TMOD3: variants seen among roughly 807,000 people sequenced by gnomAD.
TMOD3 encodes tropomodulin 3.
A neutral mutation model predicts 39.2 loss-of-function variants in TMOD3; 20 were observed. The ratio of observed to expected loss-of-function variants is 0.51; its 90% CI spans 0.36 to 0.74. The LOEUF is 0.74. Ranked by LOEUF, TMOD3 falls within the 30% of genes least tolerant of loss-of-function variation. The probability of loss-of-function intolerance (pLI) is 0.00; values close to 1 mark genes in which losing one functional copy is unlikely to be tolerated. For missense variants in TMOD3, 381 were observed against 412.8 expected, an observed-to-expected ratio of 0.92 and a Z score of 0.67; for synonymous variants, 143 against 145.8, an observed-to-expected ratio of 0.98 and a Z score of 0.14.
chr15:51,867,035 A>G (rs938096214), intron 2 of TMOD3, among the ~76,000 whole-genome samples: 3 of 152,312 alleles, frequency 2.0e-5, no homozygotes, highest in Admixed American at 6.5e-5. Context: ...GGGAGACCAC[A>G]CACATAGAGG....
Position 51,876,908 on chromosome 15 carries a change from A to G in TMOD3, c.283+7535A>G, listed in dbSNP as rs79820732. Among the ~76,000 whole-genome samples, 753 of 152,238 alleles carry G rather than the reference A, an allele frequency of 4.9e-3. 6 individuals carry two copies. Among genetic ancestry groups the G allele is most frequent in the African/African-American group, 0.018 (727 of 41,534 alleles). On this transcript the variant is annotated intron_variant, in intron 3 of 9. Coordinates refer to ENST00000308580, the MANE Select transcript of TMOD3 (RefSeq NM_014547.5). ...AGACCGTGCCTCTACTAAAAATGAA[A>G]AAAAGTTAGCTGGATGCGGTGGTGT...
chr15:51,840,598 CTTT>C (rs555446293), intron 1 of TMOD3, among the ~76,000 whole-genome samples: 1 of 152,222 alleles, frequency 6.6e-6, no homozygotes, highest in East Asian at 1.9e-4. Flanking sequence ...AAGTTGAAAT[CTTT>C]TTTGTAAGTT....
rs2056697833 is a variant in TMOD3 at position 51,909,207 on chromosome 15, TTTC to T, written c.*401_*403del. 1.9e-5 allele frequency: 3 copies of T among 158,310 alleles called. No homozygotes were observed. The highest frequency in any genetic ancestry group is 4.0e-4 in the South Asian group (2 of 4,984). 9.8% of individuals were successfully genotyped at this position (158,310 alleles called of 1,614,324 possible). ...ATTTAGACATAAAACACTTAAGTGTTTTCTTCACTCCGTGACCTGGAGAGTTTT... is the reference window on the plus strand; with the variant it reads ...ATTTAGACATAAAACACTTAAGTGTTTTCACTCCGTGACCTGGAGAGTTTT... On this transcript the variant is annotated 3_prime_UTR_variant, in exon 10 of 10. Coordinates refer to ENST00000308580, the MANE Select transcript of TMOD3 (RefSeq NM_014547.5).
intron 1 of TMOD3, among the ~76,000 whole-genome samples, chr15:51,858,829 C>T (rs2056401420): frequency 6.6e-6 from 1 of 152,096 alleles, no homozygotes; most frequent in South Asian, 2.1e-4. Context: ...GTAGGTCTGG[C>T]CTCAGCATCT....
chr15:51,903,734 G>A (rs1262472654), intron 9 of TMOD3, among the ~76,000 whole-genome samples: 2 of 152,240 alleles, frequency 1.3e-5, no homozygotes, highest in Admixed American at 6.5e-5. Context: ...TTAGAGTAGC[G>A]TTTTAAGAGA....
chr15:51,846,370 G>A (rs560051831), intron 1 of TMOD3, among the ~76,000 whole-genome samples: 1 of 152,148 alleles, frequency 6.6e-6, no homozygotes, highest in East Asian at 1.9e-4. Flanking sequence ...TTGAAGCCCA[G>A]GAAATTTGGA....
rs68117829 is a variant in TMOD3 at position 51,879,856 on chromosome 15, TCA to T, written c.284-7701_284-7700del. Among the ~76,000 whole-genome samples the T allele has an allele frequency of 2.5e-3, 353 of 142,646 alleles. 1 individual carries two copies. The highest frequency in any genetic ancestry group is 3.7e-3 in the African/African-American group (141 of 38,308). 93.6% of individuals were successfully genotyped at this position (142,646 alleles called of 152,430 possible). A position where few individuals can be genotyped will look rare whatever the true frequency, so the allele number is the denominator to read the frequency against. On this transcript the variant is annotated intron_variant, in intron 3 of 9. Transcript: ENST00000308580. ...CAATCTCTTTCTCTCTCTCTGTCTT[TCA>T]CACACACACACACACACACACACAC...
intron 3 of TMOD3, among the ~76,000 whole-genome samples, chr15:51,872,874 C>A (rs746647938): frequency 3.9e-5 from 6 of 152,154 alleles, no homozygotes; most frequent in Non-Finnish European, 7.4e-5. Context: ...CGGTCCAGAA[C>A]AACCATGGGA....
intron 3 of TMOD3, among the ~76,000 whole-genome samples, chr15:51,880,070 TTTAAA>T (rs1478997676): frequency 5.3e-5 from 8 of 152,182 alleles, no homozygotes; most frequent in Non-Finnish European, 1.2e-4. Context: ...ATAAGACTAA[TTTAAA>T]TTAATACATG....
intron 3 of TMOD3, among the ~76,000 whole-genome samples, chr15:51,881,876 C>A (rs1367215671): frequency 6.6e-6 from 1 of 151,698 alleles, no homozygotes; most frequent in Admixed American, 6.6e-5. Context: ...TTAGCCCGTA[C>A]ATTTAGGGTT....
rs1359808683 is a variant in TMOD3, at chr15:51,890,191, C to T, written c.496+1046C>T. 8.7e-5 allele frequency among the ~76,000 whole-genome samples: 12 copies of T among 137,992 alleles called. No homozygotes were observed. The East Asian group carries it at 1.0e-3, about 12-fold the overall frequency. 90.5% of individuals were successfully genotyped at this position (137,992 alleles called of 152,430 possible). On this transcript the variant is annotated intron_variant, in intron 5 of 9. Transcript: ENST00000308580. ...CTAATTTTTTTTTTTTTTTTGGAAACGGAGTCTTGCTCTGTCACCCAGGCT... is the reference window on the plus strand; with the variant it reads ...CTAATTTTTTTTTTTTTTTTGGAAATGGAGTCTTGCTCTGTCACCCAGGCT...
At chr15:51,891,433 A>G (rs943509930) in intron 5 of TMOD3, among the ~76,000 whole-genome samples, 1 of 152,104 alleles carries the variant, frequency 6.6e-6, no homozygotes, top group Non-Finnish European at 1.5e-5. Context: ...CCCTTTTGGC[A>G]AGAATGCTTC....
intron 1 of TMOD3, among the ~76,000 whole-genome samples, chr15:51,841,329 T>C (rs2056311708): frequency 6.6e-6 from 1 of 152,256 alleles, no homozygotes; most frequent in Non-Finnish European, 1.5e-5. Context: ...ATTCTATCAC[T>C]AAAGGTAATA....
chr15:51,841,845 C>T, intron 1 of TMOD3, among the ~76,000 whole-genome samples: 1 of 152,198 alleles, frequency 6.6e-6, no homozygotes, highest in East Asian at 1.9e-4. Context: ...TCTTGGCTCA[C>T]TGCAACCTCC....
intron 1 of TMOD3, among the ~76,000 whole-genome samples, chr15:51,855,142 C>G (rs369277750): frequency 1.3e-5 from 2 of 152,220 alleles, no homozygotes; most frequent in Non-Finnish European, 2.9e-5. Context: ...ATTTCTTCAG[C>G]CTTCGAAGAC....
At chr15:51,835,059 G>A (rs1242121930) in intron 1 of TMOD3, 1 of 152,166 alleles carries the variant, frequency 6.6e-6, no homozygotes, top group East Asian at 1.9e-4. Context: ...AGAATGTTAA[G>A]TATGAATTTG....
intron 5 of TMOD3, among the ~76,000 whole-genome samples, chr15:51,891,502 G>C (rs866142321): frequency 6.6e-5 from 10 of 152,034 alleles, no homozygotes; most frequent in African/African-American, 2.2e-4. Context: ...CCTCTTTGGG[G>C]GAATGAGATT....
chr15:51,895,537 A>T (rs1411114192), intron 6 of TMOD3, among the ~76,000 whole-genome samples: 2 of 151,812 alleles, frequency 1.3e-5, no homozygotes, highest in Admixed American at 6.6e-5. Flanking sequence ...ATTTTTTTTA[A>T]TTTGGTCCCT....
intron 7 of TMOD3, chr15:51,899,224 A>G (rs1234761035): frequency 6.6e-6 from 1 of 152,258 alleles, no homozygotes; most frequent in East Asian, 1.9e-4. Flanking sequence ...TTACAGCGAC[A>G]TTGATGAAGT....
Sources: allele counts gnomAD v4.1 joint callset (sites outside exome capture counted in the v4.1 genomes callset), GRCh38; gene constraint gnomAD v4.1.1; transcripts MANE v1.5; gene names NCBI Gene and HGNC (gene_info 2026-07-23, HGNC 2026-07-21).